IL17RD: variants seen among roughly 807,000 people sequenced by gnomAD.
IL17RD encodes the protein interleukin-17 receptor D.
In IL17RD, 52 loss-of-function variants were observed where a neutral mutation model predicts 80.5. The ratio of observed to expected loss-of-function variants is 0.65; its 90% CI spans 0.52 to 0.81. The LOEUF (loss-of-function observed/expected upper bound fraction) is 0.81, where lower values mean the gene tolerates loss of function less well. IL17RD is among the 40% of genes least tolerant of loss of function. The pLI is 0.00. For missense variants in IL17RD, 1,024 were observed against 955.1 expected (o/e 1.07, Z -0.95); for synonymous variants, 416 against 391.8 (o/e 1.06, Z -0.73).
intron 1 of IL17RD, among the ~76,000 whole-genome samples, chr3:57,122,956 T>G (rs962360421): frequency 7.9e-5 from 12 of 152,022 alleles, no homozygotes; most frequent in Non-Finnish European, 1.0e-4. Flanking sequence ...TTATATTTGT[T>G]TGTTTGTTTC....
chr3:57,124,606 TCCAGAAGGAG>T (rs1277192693), intron 1 of IL17RD, among the ~76,000 whole-genome samples: 1 of 152,158 alleles, frequency 6.6e-6, no homozygotes, highest in Non-Finnish European at 1.5e-5. Context: ...CCCTACAGCC[TCCAGAAGGAG>T]CCAGCGCAGC....
chr3:57,114,936 G>A (rs1297112950), intron 2 of IL17RD, 119 bp from the exon 3 acceptor site: 2 of 807,190 alleles, frequency 2.5e-6, no homozygotes, highest in East Asian at 3.0e-5. Context: ...TGTTAAAGAT[G>A]TGTCCCTCAA....
chr3:57,105,869 C>A lies in IL17RD; in HGVS notation c.735G>T (p.Lys245Asn). 1 of 1,613,752 alleles carries A rather than the reference C, an allele frequency of 6.2e-7. No individual in the cohort carries two copies. ...KLKHEGPFKR[K>N]TCKQEQTTET... The stretch of plus-strand genomic sequence containing the variant: ...CCCAGCAGCTCACCTGCTTACAGGT[C>A]TTTCGCTTGAAAGGTCCTTCGTGCT... The change falls in exon 7 of 13, where the codon AAG becomes AAT. Residue 245 changes from lysine to asparagine, a missense_variant. By Grantham distance (94) the Lys-to-Asn change is moderately conservative. Coordinates refer to ENST00000296318, the MANE Select transcript of IL17RD (RefSeq NM_017563.5).
chr3:57,133,004 C>G (rs1054791470), intron 1 of IL17RD, among the ~76,000 whole-genome samples: 1 of 152,102 alleles, frequency 6.6e-6, no homozygotes, highest in Non-Finnish European at 1.5e-5. Context: ...GAAGGATAAT[C>G]TAAAATTCCA....
intron 2 of IL17RD, among the ~76,000 whole-genome samples, chr3:57,118,337 G>T (rs1707262273): frequency 6.6e-6 from 1 of 152,190 alleles, no homozygotes; most frequent in Non-Finnish European, 1.5e-5. Context: ...GCAACTGTGG[G>T]TGTGAATCTG....
chr3:57,155,719 T>C (rs1354469559), intron 1 of IL17RD, among the ~76,000 whole-genome samples: 1 of 152,144 alleles, frequency 6.6e-6, no homozygotes, highest in East Asian at 1.9e-4. Flanking sequence ...GTCTCCTGAG[T>C]AGCTAGGATT....
At chr3:57,097,029 G>A (rs1226672849) in intron 12 of IL17RD, among the ~76,000 whole-genome samples, 1 of 151,674 alleles carries the variant, frequency 6.6e-6, no homozygotes, top group African/African-American at 2.4e-5. Context: ...AAAGTCAAGG[G>A]TTTGTATGCA....
chr3:57,152,800 C>A (rs2060236629), intron 1 of IL17RD, among the ~76,000 whole-genome samples: 1 of 152,102 alleles, frequency 6.6e-6, no homozygotes, highest in Non-Finnish European at 1.5e-5. Flanking sequence ...AATCACAGAA[C>A]TAAAAGGCTA....
chr3:57,113,286 G>A (rs1472498833), intron 3 of IL17RD, among the ~76,000 whole-genome samples: 1 of 152,142 alleles, frequency 6.6e-6, no homozygotes, highest in East Asian at 1.9e-4. Context: ...TGTCCAGGCT[G>A]GAGCGCAATG....
chr3:57,118,369 A>C (rs1406379365), intron 2 of IL17RD, among the ~76,000 whole-genome samples: 2 of 152,204 alleles, frequency 1.3e-5, no homozygotes, highest in Non-Finnish European at 2.9e-5. Context: ...TGTATCTTAA[A>C]ATTGTTAGAT....
intron 1 of IL17RD, among the ~76,000 whole-genome samples, chr3:57,125,463 G>A (rs1198154817): frequency 6.6e-6 from 1 of 152,094 alleles, no homozygotes; most frequent in Non-Finnish European, 1.5e-5. Context: ...TGTGTGAGAT[G>A]ACATATATCA....
At chr3:57,110,141 GACCCTGGA>G in intron 4 of IL17RD, 44 bp downstream of exon 4, 7 of 1,552,128 alleles carry the variant, frequency 4.5e-6, no homozygotes, top group Non-Finnish European at 5.2e-6. Flanking sequence ...CACTATTCAG[GACCCTGGA>G]ACAATGGCAT....
intron 3 of IL17RD, among the ~76,000 whole-genome samples, chr3:57,111,521 G>A (rs952863856): frequency 2.0e-5 from 3 of 152,158 alleles, no homozygotes; most frequent in East Asian, 1.9e-4. Context: ...TTTAGATCTC[G>A]CAGGACTTGC....
intron 1 of IL17RD, among the ~76,000 whole-genome samples, chr3:57,136,488 A>G (rs1415521708): frequency 6.6e-6 from 1 of 151,906 alleles, no homozygotes; most frequent in Non-Finnish European, 1.5e-5. Context: ...AAGAATAATT[A>G]GCTGGGTGTG....
intron 3 of IL17RD, among the ~76,000 whole-genome samples, chr3:57,111,982 AG>A (rs1707109514): frequency 6.6e-6 from 1 of 151,444 alleles, no homozygotes; most frequent in East Asian, 1.9e-4. Flanking sequence ...AAAGAAAGAA[AG>A]AAAAAAAAAT....
intron 6 of IL17RD, 22 bp downstream of exon 6, chr3:57,106,088 A>G (rs1706958961): frequency 3.1e-6 from 5 of 1,611,022 alleles, no homozygotes; most frequent in Non-Finnish European, 2.5e-6. Context: ...GAGACTTGAT[A>G]GATAAGAACA....
intron 1 of IL17RD, among the ~76,000 whole-genome samples, chr3:57,141,990 C>CT (rs1433554211): frequency 6.6e-6 from 1 of 152,120 alleles, no homozygotes; most frequent in African/African-American, 2.4e-5. Context: ...AGAGCAGCCC[C>CT]TGCCCCATTG....
chr3:57,113,443 G>C (rs1707142002), intron 3 of IL17RD, among the ~76,000 whole-genome samples: 2 of 152,028 alleles, frequency 1.3e-5, no homozygotes, highest in African/African-American at 4.8e-5. Context: ...CACCATGTTG[G>C]TCAGGCTAGT....
intron 2 of IL17RD, among the ~76,000 whole-genome samples, chr3:57,119,772 A>G (rs1167469446): frequency 6.6e-6 from 1 of 152,192 alleles, no homozygotes; most frequent in Non-Finnish European, 1.5e-5. Context: ...TGTTTACACA[A>G]AAAGCACAAA....
Sources: gnomAD v4.1 joint callset for allele counts (sites outside exome capture counted in the v4.1 genomes callset) on GRCh38, gnomAD v4.1.1 for gene constraint, MANE v1.5 for transcripts, NCBI Gene and HGNC (gene_info 2026-07-23, HGNC 2026-07-21) for gene names.